Variants in RELN observed in about 807,000 individuals in gnomAD.
RELN encodes the protein reelin.
Under a neutral mutation model 427.6 loss-of-function variants are expected in RELN, and 108 were observed. That is an observed-to-expected ratio of 0.25 (90% confidence interval 0.22 to 0.30). RELN has a LOEUF of 0.30. Ranked by LOEUF, RELN falls within the 10% of genes least tolerant of loss-of-function variation. The probability of loss-of-function intolerance (pLI) is 1.00; values close to 1 mark genes in which losing one functional copy is unlikely to be tolerated. For synonymous variants in RELN, 1,524 were observed against 1,513.4 expected (o/e 1.01, Z -0.16); for missense variants, 3,715 against 4,302.8 (o/e 0.86, Z 3.82).
intron 3 of RELN, among the ~76,000 whole-genome samples, chr7:103,796,345 C>G (rs1792297518): frequency 6.6e-6 from 1 of 152,158 alleles, no homozygotes; most frequent in Non-Finnish European, 1.5e-5. Flanking sequence ...CCCAGCACAT[C>G]AATTAATGTT....
chr7:103,782,419 G>A (rs1365777605), intron 3 of RELN, among the ~76,000 whole-genome samples: 1 of 151,964 alleles, frequency 6.6e-6, no homozygotes, highest in Non-Finnish European at 1.5e-5. Flanking sequence ...AATCACTCTA[G>A]GCAACAGACT....
At chr7:103,810,859 T>G (rs560371670) in intron 3 of RELN, among the ~76,000 whole-genome samples, 1 of 152,186 alleles carries the variant, frequency 6.6e-6, no homozygotes, top group Non-Finnish European at 1.5e-5. Flanking sequence ...TTCTTCTGTA[T>G]AGTTGTTTGC....
intron 2 of RELN, among the ~76,000 whole-genome samples, chr7:103,845,940 A>G (rs779394207): frequency 3.0e-4 from 45 of 152,328 alleles, no homozygotes; most frequent in Middle Eastern, 6.8e-3. Context: ...AAATAGCCAC[A>G]CTGCCCAAAC....
At chr7:103,909,298 G>A (rs1795285841) in intron 2 of RELN, among the ~76,000 whole-genome samples, 1 of 151,846 alleles carries the variant, frequency 6.6e-6, no homozygotes, top group Non-Finnish European at 1.5e-5. Flanking sequence ...TTAATGTGAA[G>A]GATAATGAAA....
At chr7:103,743,819 CT>C (rs1282205045) in intron 6 of RELN, among the ~76,000 whole-genome samples, 1 of 152,042 alleles carries the variant, frequency 6.6e-6, no homozygotes, top group Non-Finnish European at 1.5e-5. Flanking sequence ...TTATGGGAGA[CT>C]TTAACACCCC....
chr7:103,609,995 T>C (rs1831912224), intron 22 of RELN, among the ~76,000 whole-genome samples: 1 of 152,152 alleles, frequency 6.6e-6, no homozygotes, highest in African/African-American at 2.4e-5. Flanking sequence ...TAATTAATCA[T>C]TGGTAGAGCT....
intron 2 of RELN, among the ~76,000 whole-genome samples, chr7:103,835,091 A>G (rs1312669038): frequency 6.6e-6 from 1 of 152,232 alleles, no homozygotes; most frequent in East Asian, 1.9e-4. Flanking sequence ...GTACATCTAG[A>G]CAATGGAATG....
At chr7:103,931,166 A>G (rs1328466156) in intron 1 of RELN, among the ~76,000 whole-genome samples, 1 of 151,842 alleles carries the variant, frequency 6.6e-6, no homozygotes, top group African/African-American at 2.4e-5. Flanking sequence ...AAGCCTCCCC[A>G]TCCTGCCTCT....
intron 1 of RELN, among the ~76,000 whole-genome samples, chr7:103,959,092 GC>G (rs34269737): frequency 0.11 from 16,335 of 152,034 alleles, 1,003 homozygotes; most frequent in East Asian, 0.2. Flanking sequence ...ACAGGCACCT[GC>G]CATCACACCT....
intron 4 of RELN, among the ~76,000 whole-genome samples, chr7:103,755,333 G>A (rs903662083): frequency 5.9e-5 from 9 of 151,976 alleles, no homozygotes; most frequent in African/African-American, 2.2e-4. Context: ...AAATGGCCAG[G>A]CGCAGTGGCT....
At chr7:103,903,044 A>G (rs138616370) in intron 2 of RELN, among the ~76,000 whole-genome samples, 8 of 152,244 alleles carry the variant, frequency 5.3e-5, no homozygotes, top group Middle Eastern at 3.4e-3. Context: ...GAACTCATTC[A>G]TCATTATCTG....
chr7:103,741,595 GTA>G (rs1351473989), intron 6 of RELN, among the ~76,000 whole-genome samples: 3 of 151,786 alleles, frequency 2.0e-5, no homozygotes, highest in African/African-American at 7.2e-5. Context: ...GTGAGGGGAA[GTA>G]AAAGTGGGAG....
chr7:103,857,817 T>C (rs2116482622), intron 2 of RELN, among the ~76,000 whole-genome samples: 1 of 152,254 alleles, frequency 6.6e-6, no homozygotes, highest in South Asian at 2.1e-4. Context: ...TAAAATATGC[T>C]AATCAGTTGT....
At chr7:103,819,412 T>C (rs1005723138) in intron 3 of RELN, among the ~76,000 whole-genome samples, 8 of 151,708 alleles carry the variant, frequency 5.3e-5, no homozygotes, top group Admixed American at 2.6e-4. Context: ...TCTGAAACAG[T>C]TGGTAGTGGG....
At chr7:103,581,949 A>G (rs1385841741) in intron 28 of RELN, among the ~76,000 whole-genome samples, 1 of 152,162 alleles carries the variant, frequency 6.6e-6, no homozygotes, top group Non-Finnish European at 1.5e-5. Flanking sequence ...ACCATGAGAG[A>G]TAATAAATCA....
Position 103,989,444 on chromosome 7 carries a change from A to G in RELN, c.-88T>C. ...ACGCCGGGACGGAGGAGCCACGCGG[A>G]GAGAAGGCGAGAAGAAGGCGGACGG... On this transcript the variant is annotated 5_prime_UTR_variant, in exon 1 of 65. Coordinates refer to ENST00000428762, the MANE Select transcript of RELN (RefSeq NM_005045.4). The surrounding 1 kb of genome is among the most constrained non-coding windows in gnomAD (Gnocchi z 4.9). 1 of 1,155,476 alleles carries G rather than the reference A, an allele frequency of 8.7e-7. No individual in the cohort carries two copies. The allele number at this position is 1,155,476 out of a possible 1,614,324, so 71.6% of individuals were successfully genotyped here.
intron 11 of RELN, among the ~76,000 whole-genome samples, chr7:103,669,695 C>A (rs752824224): frequency 7.2e-5 from 11 of 151,830 alleles, no homozygotes; most frequent in African/African-American, 2.7e-4. Flanking sequence ...GATGGCATGG[C>A]AATTTTCCTC....
At position 103,884,705 on chromosome 7, in the gene RELN, G is replaced by T. The variant is rs541489606; in HGVS notation, c.337+32370C>A. Among the ~76,000 whole-genome samples, 116 of 152,324 alleles carry T rather than the reference G, an allele frequency of 7.6e-4. 1 individual carries two copies. The highest frequency in any genetic ancestry group is 1.2e-3 in the Non-Finnish European group (82 of 68,030). The stretch of plus-strand genomic sequence containing the variant: ...AAAAGCTCTTCATCACTGGTCATTA[G>T]AGAAATGCAAATCAGAACCACAATG... On this transcript the variant is annotated intron_variant, in intron 2 of 64. Transcript: ENST00000428762.
At chr7:103,817,083 C>T (rs1408738170) in intron 3 of RELN, among the ~76,000 whole-genome samples, 2 of 152,104 alleles carry the variant, frequency 1.3e-5, no homozygotes. Flanking sequence ...AACTCCTGAC[C>T]TCAAGTGATC....
Sources: gnomAD v4.1 joint callset for allele counts (sites outside exome capture counted in the v4.1 genomes callset) on GRCh38, gnomAD v4.1.1 for gene constraint, Gnocchi (gnomAD v3.1) non-coding constraint, MANE v1.5 for transcripts, NCBI Gene and HGNC (gene_info 2026-07-23, HGNC 2026-07-21) for gene names.